The following FANCM variants were observed in gnomAD, a reference collection of about 807,000 sequenced individuals.
FANCM encodes Fanconi anemia group M protein.
FANCM carries 140 observed loss-of-function variants against 199.5 expected under a neutral mutation model. The observed-to-expected ratio is 0.70, with a 90% CI of 0.61 to 0.81. FANCM has a LOEUF of 0.81. Among genes scored for constraint, FANCM ranks in the 30% least tolerant of loss-of-function variants. The pLI, the probability that FANCM is intolerant of heterozygous loss-of-function variation, is 0.00. For synonymous variants in FANCM, 840 were observed against 836.8 expected (o/e 1.00, Z -0.07); for missense variants, 2,410 against 2,421.4 (o/e 1.00, Z 0.10).
chr14:45,142,258 G>A (rs569890141), intron 3 of FANCM, among the ~76,000 whole-genome samples: 1 of 150,996 alleles, frequency 6.6e-6, no homozygotes, highest in Non-Finnish European at 1.5e-5. Context: ...CTCACATTGT[G>A]TTGTCATGGC....
chr14:45,170,702 C>T lies in FANCM; in HGVS notation c.2116C>T (p.Pro706Ser). 1.9e-6 allele frequency: 3 copies of T among 1,610,906 alleles called. No individual in the cohort carries two copies. The highest frequency in any genetic ancestry group is 2.5e-6 in the Non-Finnish European group (3 of 1,177,282). Residue 706 changes from proline to serine, a missense_variant, in exon 12 of 23, where the codon CCT (proline) becomes TCT (serine). Physicochemically the swap from Pro to Ser is moderately conservative, Grantham distance 74. Coordinates refer to ENST00000267430, the MANE Select transcript of FANCM (RefSeq NM_020937.4). ...DSDEIKEITLPQVQFSSLQNE... is the reference protein window; with the variant it reads ...DSDEIKEITLSQVQFSSLQNE... Reference sequence around the variant, plus strand: ...TGATGAAATTAAAGAGATAACATTGCCTCAAGTTCAGTTTTCTTCTTTACA... The same window carrying T: ...TGATGAAATTAAAGAGATAACATTGTCTCAAGTTCAGTTTTCTTCTTTACA...
chr14:45,161,272 A>G (rs1887586717), intron 9 of FANCM, among the ~76,000 whole-genome samples: 1 of 152,222 alleles, frequency 6.6e-6, no homozygotes, highest in East Asian at 1.9e-4. Flanking sequence ...CTTTCATAAC[A>G]GCTGTTTTAT....
intron 3 of FANCM, among the ~76,000 whole-genome samples, chr14:45,147,634 C>G (rs927808744): frequency 2.0e-5 from 3 of 152,114 alleles, no homozygotes; most frequent in Non-Finnish European, 4.4e-5. Flanking sequence ...TGGCTCACAC[C>G]TTTAATCCCA....
At chr14:45,156,698 T>C (rs1014244029) in intron 8 of FANCM, among the ~76,000 whole-genome samples, 3 of 151,968 alleles carry the variant, frequency 2.0e-5, no homozygotes, top group Admixed American at 1.3e-4. Context: ...GGTGGGCAGA[T>C]CACGAGGTCA....
At chr14:45,155,009 A>C (rs572123578) in intron 7 of FANCM, among the ~76,000 whole-genome samples, 187 bp downstream of exon 7, 3 of 152,332 alleles carry the variant, frequency 2.0e-5, no homozygotes, top group South Asian at 4.1e-4. Flanking sequence ...ATATGCTTTA[A>C]ACAATGTTTA....
chr14:45,170,808 C>T lies in FANCM; in HGVS notation c.2160+62C>T, dbSNP rs1416345165. On this transcript the variant is annotated intron_variant, in intron 12 of 22. Coordinates refer to ENST00000267430, the MANE Select transcript of FANCM (RefSeq NM_020937.4). Reference sequence around the variant, plus strand: ...CCCTCATTTTAATGCCAGAACCCCTCAGATGTTCTTTATAATGATCAAGCA... The same window carrying T: ...CCCTCATTTTAATGCCAGAACCCCTTAGATGTTCTTTATAATGATCAAGCA... 6.5e-5 allele frequency: 88 copies of T among 1,345,866 alleles called. No homozygotes were observed. In the East Asian group the frequency reaches 2.0e-3, roughly 30 times the overall value. 83.4% of individuals were successfully genotyped at this position (1,345,866 alleles called of 1,614,324 possible).
chr14:45,184,101 T>C (rs1344164013), intron 17 of FANCM, among the ~76,000 whole-genome samples, 199 bp downstream of exon 17: 1 of 152,154 alleles, frequency 6.6e-6, no homozygotes, highest in Non-Finnish European at 1.5e-5. Context: ...ATGCTTTATC[T>C]TGCAGTGTTG....
rs1318683898 is a variant in FANCM, at chr14:45,176,159, G to T, written c.3405G>T (p.Leu1135=). 20 of 1,613,762 alleles carry T rather than the reference G, an allele frequency of 1.2e-5. No individual in the cohort carries two copies. The highest frequency in any genetic ancestry group is 2.7e-5 in the African/African-American group (2 of 74,886). The part of the protein sequence containing the change: ...VLSTDQDESL[L]LFEDVNTEFD... ...CCACTGATCAAGATGAAAGTTTGCT[G>T]TTATTTGAAGATGTTAATACAGAGT... The change falls in exon 14 of 23, where the codon CTG becomes CTT. Residue 1135 remains leucine (L), a synonymous_variant. Transcript: ENST00000267430.
At chr14:45,179,062 C>T (rs796660965) in intron 14 of FANCM, among the ~76,000 whole-genome samples, 4 of 151,878 alleles carry the variant, frequency 2.6e-5, no homozygotes, top group Non-Finnish European at 4.4e-5. Flanking sequence ...AGCCAGGCGT[C>T]GTGGCACGTT....
chr14:45,193,906 G>T (rs112081826), intron 20 of FANCM, among the ~76,000 whole-genome samples: 1 of 151,948 alleles, frequency 6.6e-6, no homozygotes, highest in Non-Finnish European at 1.5e-5. Context: ...GGGTAGTATT[G>T]TCATCTTAAT....
chr14:45,190,857 T>C (rs1393696932), intron 20 of FANCM, among the ~76,000 whole-genome samples: 1 of 152,132 alleles, frequency 6.6e-6, no homozygotes, highest in Admixed American at 6.6e-5. Flanking sequence ...TCATCTATAG[T>C]ATAGAGATTA....
rs2139106919 is a variant in FANCM at position 45,137,176 on chromosome 14, G to T, written c.616G>T (p.Ala206Ser). ...CCTTTCTAGAGGAGCTTGTCCCGCT[G>T]CTGAAATAAAGTGTTTAGTTATTGA... is the stretch of plus-strand genomic sequence containing the variant. ...NDLSRGACPA[A>S]EIKCLVIDEA... Residue 206 changes from alanine to serine, a missense_variant, in exon 2 of 23, where the codon GCT becomes TCT. Coordinates refer to ENST00000267430, the MANE Select transcript of FANCM (RefSeq NM_020937.4). 6.2e-7 allele frequency: 1 copy of T among 1,613,804 alleles called. No individual in the cohort carries two copies. Among genetic ancestry groups the T allele is most frequent in the Non-Finnish European group, 8.5e-7 (1 of 1,179,954 alleles).
chr14:45,183,885 A>G lies in FANCM; in HGVS notation c.4498A>G (p.Arg1500Gly), dbSNP rs890874156. Residue 1500 changes from arginine (R) to glycine (G), a missense_variant, in exon 17 of 23, where the codon AGA (arginine) becomes GGA (glycine). Transcript: ENST00000267430. Reference sequence around the variant, plus strand: ...CAGAAGAGGCATCAAAGTCCCAAAGAGACAGAGTCACTTAAAGGTAATCTT... The same window carrying G: ...CAGAAGAGGCATCAAAGTCCCAAAGGGACAGAGTCACTTAAAGGTAATCTT... ...NARRGIKVPK[R>G]QSHLKHVARK... The G allele has an allele frequency of 3.1e-6, 5 of 1,610,712 alleles. No individual in the cohort carries two copies. The East Asian group carries it at 1.1e-4, about 36-fold the overall frequency.
intron 14 of FANCM, among the ~76,000 whole-genome samples, chr14:45,179,294 A>G (rs1452414844): frequency 1.3e-5 from 2 of 152,200 alleles, no homozygotes; most frequent in African/African-American, 4.8e-5. Flanking sequence ...TTAACAAAGC[A>G]TTTAAACTAT....
intron 12 of FANCM, 52 bp downstream of exon 12, chr14:45,170,798 C>T: frequency 7.2e-7 from 1 of 1,398,370 alleles, no homozygotes. Flanking sequence ...ATTTTAATGC[C>T]AGAACCCCTC....
At chr14:45,179,051 T>C (rs1888893367) in intron 14 of FANCM, among the ~76,000 whole-genome samples, 1 of 151,738 alleles carries the variant, frequency 6.6e-6, no homozygotes. Context: ...ATACAAAAAT[T>C]AGCCAGGCGT....
In FANCM at chr14:45,189,129, C is replaced by T. The variant is rs367653310; in HGVS notation, c.5107C>T (p.His1703Tyr). 1.9e-6 allele frequency: 3 copies of T among 1,613,768 alleles called. No individual in the cohort carries two copies. Among genetic ancestry groups the T allele is most frequent in the Non-Finnish European group, 2.5e-6 (3 of 1,179,764 alleles). The change falls in exon 20 of 23, where the codon CAT becomes TAT. Residue 1703 changes from histidine to tyrosine, a missense_variant. His to Tyr is a moderately conservative substitution (Grantham distance 83). Coordinates refer to ENST00000267430, the MANE Select transcript of FANCM (RefSeq NM_020937.4). The part of the protein sequence containing the change: ...STVKKNKQQD[H>Y]CLNSVPSGSS... Reference sequence around the variant, plus strand: ...TGTTAAGAAGAACAAACAACAGGACCATTGTTTAAATTCAGTGCCTTCTGG... The same window carrying T: ...TGTTAAGAAGAACAAACAACAGGACTATTGTTTAAATTCAGTGCCTTCTGG...
rs2139247587 is a variant in FANCM, at chr14:45,176,080, A to T, written c.3326A>T (p.Asn1109Ile). 2 of 1,614,128 alleles carry T rather than the reference A, an allele frequency of 1.2e-6. No individual in the cohort carries two copies. The highest frequency in any genetic ancestry group is 1.7e-6 in the Non-Finnish European group (2 of 1,179,972). ...RVQIHRSPAQ[N>I]LVGENNHDVD... ...CAAATACACAGAAGCCCTGCACAGA[A>T]TTTAGTTGGAGAGAACAATCATGAT... The change falls in exon 14 of 23, where the codon AAT becomes ATT. Residue 1109 changes from asparagine to isoleucine, a missense_variant. Asn to Ile is a moderately radical substitution (Grantham distance 149). Transcript: ENST00000267430.
Position 45,164,375 on chromosome 14 carries a change from G to A in FANCM, c.1598G>A (p.Arg533His), listed in dbSNP as rs1183879113. Reference protein sequence around the residue: ...KEQLEVVKQFRDGGYNTLVST... With the variant: ...KEQLEVVKQFHDGGYNTLVST... ...TTATTTTAGGTAGTGAAACAGTTTC[G>A]TGACGGTGGTTACAACACGCTGGTT... Residue 533 changes from arginine (R) to histidine (H), a missense_variant, in exon 10 of 23, where the codon CGT becomes CAT. Transcript: ENST00000267430. 5 of 1,612,400 alleles carry A rather than the reference G, an allele frequency of 3.1e-6. No individual in the cohort carries two copies. Among genetic ancestry groups the A allele is most frequent in the Non-Finnish European group, 4.2e-6 (5 of 1,179,590 alleles).
Sources: gnomAD v4.1 joint callset for allele counts (sites outside exome capture counted in the v4.1 genomes callset) on GRCh38, gnomAD v4.1.1 for gene constraint, MANE v1.5 for transcripts, NCBI Gene and HGNC (gene_info 2026-07-23, HGNC 2026-07-21) for gene names.